Variants in SREK1IP1 observed in about 807,000 individuals in gnomAD.
SREK1IP1 encodes the protein SREK1 interacting protein 1.
In SREK1IP1, 12 loss-of-function variants were observed where a neutral mutation model predicts 22.8. That is an observed-to-expected ratio of 0.53 (90% CI 0.34 to 0.85). SREK1IP1 has a LOEUF of 0.85. SREK1IP1 is among the 40% of genes least tolerant of loss of function. The probability of loss-of-function intolerance (pLI) is 0.02; values close to 1 mark genes in which losing one functional copy is unlikely to be tolerated. For synonymous variants in SREK1IP1, 53 were observed against 52.7 expected (o/e 1.01, Z -0.02); for missense variants, 147 against 171.8 (o/e 0.86, Z 0.81).
chr5:64,727,535 A>G (rs1742293343), intron 4 of SREK1IP1: 1 of 120,090 alleles, frequency 8.3e-6, no homozygotes, highest in Non-Finnish European at 1.6e-5. Flanking sequence ...AATTACATAT[A>G]TATATATATA....
At chr5:64,758,306 T>C (rs895104778) in intron 1 of SREK1IP1, among the ~76,000 whole-genome samples, 2 of 152,132 alleles carry the variant, frequency 1.3e-5, no homozygotes, top group Non-Finnish European at 1.5e-5. Context: ...GTAGGTGGGA[T>C]TGCAGGTGCC....
At chr5:64,734,318 G>GT (rs1742423155) in intron 3 of SREK1IP1, among the ~76,000 whole-genome samples, 1 of 152,020 alleles carries the variant, frequency 6.6e-6, no homozygotes, top group African/African-American at 2.4e-5. Flanking sequence ...GGTTGTGTTA[G>GT]TTTTTTAATT....
At chr5:64,726,500 C>T (rs890872553) in intron 4 of SREK1IP1, among the ~76,000 whole-genome samples, 1 of 149,258 alleles carries the variant, frequency 6.7e-6, no homozygotes, top group African/African-American at 2.5e-5. Flanking sequence ...GGAGTGAACC[C>T]GGGAGGCGGA....
At chr5:64,739,789 CTT>C (rs1366920224) in intron 3 of SREK1IP1, among the ~76,000 whole-genome samples, 4 of 151,978 alleles carry the variant, frequency 2.6e-5, no homozygotes, top group African/African-American at 9.7e-5. Flanking sequence ...TGATATGACT[CTT>C]GTTTGCCCTC....
chr5:64,736,113 A>G (rs78965217), intron 3 of SREK1IP1, among the ~76,000 whole-genome samples: 5,709 of 152,248 alleles, frequency 0.037, 376 homozygotes, highest in African/African-American at 0.13. Flanking sequence ...TTGACCCAAT[A>G]GACTATTTAC....
At position 64,723,727 on chromosome 5, in the gene SREK1IP1, A is replaced by G. The variant is rs1742213492; in HGVS notation, c.*657T>C. On this transcript the variant is annotated 3_prime_UTR_variant, in exon 5 of 5. Coordinates refer to ENST00000513458, the MANE Select transcript of SREK1IP1 (RefSeq NM_173829.4). ...TAATTATTACAAAAACAAAGGAGGC[A>G]GGTACTAGAAATTCTGCATTTCATA... 6.6e-6 allele frequency: 1 copy of G among 152,596 alleles called. No homozygotes were observed. The highest frequency in any genetic ancestry group is 2.4e-5 in the African/African-American group (1 of 41,456). The allele number at this position is 152,596 out of a possible 1,614,324, so 9.5% of individuals were successfully genotyped here.
intron 3 of SREK1IP1, among the ~76,000 whole-genome samples, chr5:64,733,185 T>C (rs774145100): frequency 6.6e-5 from 10 of 152,154 alleles, no homozygotes; most frequent in Non-Finnish European, 1.2e-4. Context: ...ACTGATCAAT[T>C]GGACTTCATC....
In SREK1IP1 at chr5:64,722,758, C is replaced by T. The variant is rs1290601326; in HGVS notation, c.*1626G>A. On this transcript the variant is annotated 3_prime_UTR_variant, in exon 5 of 5. Transcript: ENST00000513458. Reference sequence around the variant, plus strand: ...AATTAGGTTATGGAAGGGTTGAAAGCGTGAGAGCTCTCATGGCTGCAATGC... The same window carrying T: ...AATTAGGTTATGGAAGGGTTGAAAGTGTGAGAGCTCTCATGGCTGCAATGC... The T allele has an allele frequency of 1.1e-4, 17 of 152,124 alleles. No individual in the cohort carries two copies. The highest frequency in any genetic ancestry group is 9.8e-4 in the Admixed American group (15 of 15,270). 9.4% of individuals were successfully genotyped at this position (152,124 alleles called of 1,614,324 possible). A position where few individuals can be genotyped will look rare whatever the true frequency, so the allele number is the denominator to read the frequency against.
chr5:64,754,166 A>G, intron 2 of SREK1IP1, 149 bp downstream of exon 2: 1 of 677,044 alleles, frequency 1.5e-6, no homozygotes, highest in African/African-American at 1.8e-5. Flanking sequence ...TTTAGTGCTA[A>G]CAGAGGAATT....
intron 4 of SREK1IP1, among the ~76,000 whole-genome samples, chr5:64,727,228 T>A (rs966705626): frequency 2.6e-5 from 4 of 151,958 alleles, no homozygotes; most frequent in Admixed American, 2.6e-4. Context: ...CTAGAAATAA[T>A]TATGGTTAAG....
Position 64,728,141 on chromosome 5 carries a change from T to G in SREK1IP1, c.244A>C (p.Lys82Gln), listed in dbSNP as rs1167192196. 7.0e-7 allele frequency: 1 copy of G among 1,433,730 alleles called. No individual in the cohort carries two copies. Among genetic ancestry groups the G allele is most frequent in the Non-Finnish European group, 9.2e-7 (1 of 1,087,270 alleles). The allele number at this position is 1,433,730 out of a possible 1,614,324, so 88.8% of individuals were successfully genotyped here. The change falls in exon 4 of 5, where the codon AAA becomes CAA. Residue 82 changes from lysine (K) to glutamine (Q), a missense_variant. This residue lies in a region of SREK1IP1 where 82 missense variants were observed against 81.7 expected (regional missense o/e 1.00). Coordinates refer to ENST00000513458, the MANE Select transcript of SREK1IP1 (RefSeq NM_173829.4). ...TTTTTTTTCAATTTGATTTTTTCTT[T>G]GCTTTTTTCTTTCTTCTTTTCCTCT... ...EEEEKKKEKS[K>Q]EKIKLKKKRK...
intron 4 of SREK1IP1, 43 bp from the exon 5 acceptor site, chr5:64,724,616 C>T (rs1742232932): frequency 7.3e-7 from 1 of 1,379,060 alleles, no homozygotes; most frequent in Non-Finnish European, 9.6e-7. Flanking sequence ...GCATTTATGA[C>T]TGATAGATAA....
intron 1 of SREK1IP1, 137 bp from the exon 2 acceptor site, chr5:64,754,499 C>CT (rs1742803942): frequency 3.3e-5 from 25 of 759,076 alleles, no homozygotes; most frequent in Non-Finnish European, 5.3e-5. Flanking sequence ...AGGTGTCACT[C>CT]TGTCACCAAG....
At chr5:64,760,422 C>A (rs930665709) in intron 1 of SREK1IP1, among the ~76,000 whole-genome samples, 3 of 152,204 alleles carry the variant, frequency 2.0e-5, no homozygotes, top group African/African-American at 7.2e-5. Flanking sequence ...GGGAAAGTCT[C>A]TTGAGCAACT....
rs571636505 is a variant in SREK1IP1 at position 64,750,464 on chromosome 5, T to A, written c.61+3851A>T. 2.6e-5 allele frequency among the ~76,000 whole-genome samples: 4 copies of A among 152,152 alleles called. No homozygotes were observed. The South Asian group carries it at 6.2e-4, about 24-fold the overall frequency. On this transcript the variant is annotated intron_variant, in intron 2 of 4. Transcript: ENST00000513458. ...GACTCAAAGTTACTATTTCTCTGGG[T>A]TGTTACCCACCACTCCCCCACCACC...
At chr5:64,735,144 T>G (rs930096328) in intron 3 of SREK1IP1, among the ~76,000 whole-genome samples, 4 of 140,908 alleles carry the variant, frequency 2.8e-5, no homozygotes, top group Admixed American at 1.4e-4. Flanking sequence ...ATAATTTTTC[T>G]TAAAATATTG....
chr5:64,753,526 G>T (rs1742784620), intron 2 of SREK1IP1, among the ~76,000 whole-genome samples: 1 of 152,148 alleles, frequency 6.6e-6, no homozygotes, highest in Admixed American at 6.5e-5. Flanking sequence ...TGTTCTCTCA[G>T]CATTCTTTTA....
chr5:64,759,655 C>G (rs994966088), intron 1 of SREK1IP1, among the ~76,000 whole-genome samples: 2 of 152,044 alleles, frequency 1.3e-5, no homozygotes, highest in Non-Finnish European at 2.9e-5. Flanking sequence ...CTCAGCAAAT[C>G]ATTAAGAAAA....
rs1234332866 is a variant in SREK1IP1 at position 64,721,662 on chromosome 5, G to C, written c.*2722C>G. ...TAAAGTGCCAGATAATCTAGTTCCA[G>C]ATGCAAACCTAAATATAAATTCTGC... On this transcript the variant is annotated 3_prime_UTR_variant, in exon 5 of 5. Coordinates refer to ENST00000513458, the MANE Select transcript of SREK1IP1 (RefSeq NM_173829.4). 1 of 151,878 alleles carries C rather than the reference G, an allele frequency of 6.6e-6. No individual in the cohort carries two copies. Among genetic ancestry groups the C allele is most frequent in the Non-Finnish European group, 1.5e-5 (1 of 67,990 alleles). 9.4% of individuals were successfully genotyped at this position (151,878 alleles called of 1,614,324 possible). A position where few individuals can be genotyped will look rare whatever the true frequency, so the allele number is the denominator to read the frequency against.
Sources: gnomAD v4.1 joint callset for allele counts (sites outside exome capture counted in the v4.1 genomes callset) on GRCh38, gnomAD v4.1.1 for gene constraint, gnomAD v4.1.1 regional missense constraint, MANE v1.5 for transcripts, NCBI Gene and HGNC (gene_info 2026-07-23, HGNC 2026-07-21) for gene names.